The following KIAA1217 variants were observed in gnomAD, a reference collection of about 807,000 sequenced individuals.
The protein encoded by KIAA1217 is sickle tail protein homolog.
In KIAA1217, 88 loss-of-function variants were observed where a neutral mutation model predicts 163.9. That is an observed-to-expected ratio of 0.54 (90% CI 0.45 to 0.64). The LOEUF is 0.64. Ranked by LOEUF, KIAA1217 falls within the 30% of genes least tolerant of loss-of-function variation. The pLI, the probability that KIAA1217 is intolerant of heterozygous loss-of-function variation, is 0.00. For missense variants in KIAA1217, 2,372 were observed against 2,475.0 expected (o/e 0.96, Z 0.88); for synonymous variants, 903 against 923.1 (o/e 0.98, Z 0.39).
At chr10:23,696,651 C>T (rs1397033093) in intron 1 of KIAA1217, among the ~76,000 whole-genome samples, 1 of 152,126 alleles carries the variant, frequency 6.6e-6, no homozygotes, top group Non-Finnish European at 1.5e-5. Context: ...ACAGTCTGTG[C>T]TAGAAGTGGT....
chr10:23,768,612 G>C (rs779107633), intron 1 of KIAA1217, among the ~76,000 whole-genome samples: 6 of 152,180 alleles, frequency 3.9e-5, no homozygotes, highest in Non-Finnish European at 8.8e-5. Flanking sequence ...GAAAGTATAA[G>C]TTGCCATTTT....
intron 2 of KIAA1217, among the ~76,000 whole-genome samples, chr10:24,376,945 A>G (rs1322439748): frequency 6.6e-6 from 1 of 152,174 alleles, no homozygotes; most frequent in African/African-American, 2.4e-5. Context: ...TTACCACATG[A>G]CAGTTACTTG....
chr10:23,892,915 C>T (rs989364140), intron 1 of KIAA1217, among the ~76,000 whole-genome samples: 5 of 151,898 alleles, frequency 3.3e-5, no homozygotes, highest in Non-Finnish European at 5.9e-5. Context: ...CGGAAAACAA[C>T]GTGGCATTGA....
intron 1 of KIAA1217, among the ~76,000 whole-genome samples, chr10:24,219,284 T>C (rs2069255583): frequency 6.6e-6 from 1 of 152,024 alleles, no homozygotes; most frequent in Admixed American, 6.6e-5. Flanking sequence ...TGGCTAATTT[T>C]AATTTTTTGT....
chr10:23,836,204 A>G (rs1838440490), intron 1 of KIAA1217, among the ~76,000 whole-genome samples: 1 of 152,080 alleles, frequency 6.6e-6, no homozygotes, highest in African/African-American at 2.4e-5. Context: ...TTTTATTTCT[A>G]ATATGTCAAA....
chr10:23,834,224 A>C (rs1339379185), intron 1 of KIAA1217, among the ~76,000 whole-genome samples: 1 of 152,104 alleles, frequency 6.6e-6, no homozygotes, highest in African/African-American at 2.4e-5. Flanking sequence ...ACCAGATCTT[A>C]TTATGTTTTG....
intron 1 of KIAA1217, among the ~76,000 whole-genome samples, chr10:24,210,087 C>T (rs1000451815): frequency 2.0e-5 from 3 of 151,770 alleles, no homozygotes; most frequent in Admixed American, 1.3e-4. Context: ...ACCCGCCCCA[C>T]CCTCCCTCAG....
At chr10:24,250,174 A>G (rs564012661) in intron 2 of KIAA1217, among the ~76,000 whole-genome samples, 90 of 152,288 alleles carry the variant, frequency 5.9e-4, no homozygotes, top group Non-Finnish European at 7.6e-4. Flanking sequence ...GCATTTGTTA[A>G]GCAACCTTCT....
At chr10:24,532,397 A>G (rs2073255835) in intron 15 of KIAA1217, among the ~76,000 whole-genome samples, 2 of 152,218 alleles carry the variant, frequency 1.3e-5, no homozygotes, top group East Asian at 3.9e-4. Flanking sequence ...ACCAAGTGTT[A>G]GCTTTCATGT....
intron 1 of KIAA1217, among the ~76,000 whole-genome samples, chr10:23,980,718 A>G (rs1238385310): frequency 6.6e-6 from 1 of 152,170 alleles, no homozygotes; most frequent in Non-Finnish European, 1.5e-5. Context: ...CTTGGTGTTC[A>G]TTGATTCTAC....
At chr10:24,256,779 A>C (rs2075208155) in intron 2 of KIAA1217, among the ~76,000 whole-genome samples, 1 of 152,104 alleles carries the variant, frequency 6.6e-6, no homozygotes, top group Non-Finnish European at 1.5e-5. Context: ...TGTGGCCCAG[A>C]GTGTTTCGTT....
intron 3 of KIAA1217, among the ~76,000 whole-genome samples, chr10:24,413,046 C>G (rs1372079896): frequency 6.6e-6 from 1 of 152,200 alleles, no homozygotes; most frequent in Non-Finnish European, 1.5e-5. Context: ...CTCATTCACT[C>G]TTCTTCCAAA....
At chr10:23,880,005 G>T (rs1436892240) in intron 1 of KIAA1217, among the ~76,000 whole-genome samples, 3 of 151,902 alleles carry the variant, frequency 2.0e-5, no homozygotes, top group Non-Finnish European at 2.9e-5. Flanking sequence ...CTGGTGGTGG[G>T]TGCTGGAGGA....
chr10:23,946,373 C>A (rs1844045531), intron 1 of KIAA1217, among the ~76,000 whole-genome samples: 1 of 151,396 alleles, frequency 6.6e-6, no homozygotes, highest in South Asian at 2.1e-4. Context: ...AGAAAACAAC[C>A]TGACTGAGTC....
At chr10:24,423,302 T>TTTTTTA (rs2058901732) in intron 3 of KIAA1217, among the ~76,000 whole-genome samples, 1 of 150,770 alleles carries the variant, frequency 6.6e-6, no homozygotes. Flanking sequence ...TTTTTTTTTT[T>TTTTTTA]GAGTCAGAGA....
chr10:23,758,405 A>G (rs1035933017), intron 1 of KIAA1217, among the ~76,000 whole-genome samples: 10 of 152,078 alleles, frequency 6.6e-5, no homozygotes, highest in South Asian at 2.1e-4. Context: ...GTTGTATTCC[A>G]TTGGTCTGTA....
At position 24,200,213 on chromosome 10, in the gene KIAA1217, A is replaced by AT. The variant is rs758463596; in HGVS notation, c.-170-19398dup. On this transcript the variant is annotated intron_variant, in intron 2 of 18. Transcript: ENST00000376462. ...CTGTCACTTTTTTCATTATTTTTTA[A>AT]TTTTTTTTTTTTTTTAAGAGATGGG... 5.1e-3 allele frequency among the ~76,000 whole-genome samples: 683 copies of AT among 133,574 alleles called. 2 individuals are homozygous for AT. The highest frequency in any genetic ancestry group is 6.8e-3 in the Non-Finnish European group (416 of 61,540). The allele number at this position is 133,574 out of a possible 152,430, so 87.6% of individuals were successfully genotyped here.
intron 1 of KIAA1217, among the ~76,000 whole-genome samples, chr10:24,213,633 C>A (rs558681688): frequency 1.3e-5 from 2 of 152,332 alleles, no homozygotes; most frequent in African/African-American, 4.8e-5. Flanking sequence ...CTACTTCACA[C>A]TGTATCTCCT....
At chr10:24,014,343 AGGT>A (rs1220909445) in intron 2 of KIAA1217, among the ~76,000 whole-genome samples, 1 of 152,186 alleles carries the variant, frequency 6.6e-6, no homozygotes, top group Admixed American at 6.5e-5. Context: ...TTCAGGCATA[AGGT>A]AATTTGTTTT....
Sources: allele counts gnomAD v4.1 joint callset (sites outside exome capture counted in the v4.1 genomes callset), GRCh38; gene constraint gnomAD v4.1.1; transcripts MANE v1.5; gene names NCBI Gene and HGNC (gene_info 2026-07-23, HGNC 2026-07-21).